The following SEM1 variants were observed in gnomAD, a reference collection of about 807,000 sequenced individuals.
SEM1 encodes 26S proteasome complex subunit SEM1.
A neutral mutation model predicts 12.7 loss-of-function variants in SEM1; 3 were observed. That is an observed-to-expected ratio of 0.24 (90% CI 0.11 to 0.61). The LOEUF (loss-of-function observed/expected upper bound fraction) is 0.61. SEM1 is among the 20% of genes least tolerant of loss of function. The pLI is 0.88. For synonymous variants in SEM1, 30 were observed against 27.8 expected (o/e 1.08, Z -0.25); for missense variants, 59 against 81.3 (o/e 0.73, Z 1.06).
chr7:96,547,180 C>T (rs1805128552), intron 2 of SEM1, among the ~76,000 whole-genome samples: 1 of 152,138 alleles, frequency 6.6e-6, no homozygotes, highest in Admixed American at 6.5e-5. Flanking sequence ...CCTATATAAG[C>T]ATATGCATTT....
chr7:96,696,518 T>C (rs896987337), intron 1 of SEM1: 1 of 151,902 alleles, frequency 6.6e-6, no homozygotes, highest in Non-Finnish European at 1.5e-5. Context: ...CCAATTATCA[T>C]AGATGAGGAA....
chr7:96,615,451 C>CGCCAGGTTG (rs958169323), intron 2 of SEM1, among the ~76,000 whole-genome samples: 4 of 151,944 alleles, frequency 2.6e-5, no homozygotes, highest in Non-Finnish European at 4.4e-5. Context: ...GACAAGGTTT[C>CGCCAGGTTG]GCCAGGTTGG....
downstream of SEM1, among the ~76,000 whole-genome samples, chr7:96,621,221 G>A (rs1807882939): frequency 6.6e-6 from 1 of 152,068 alleles, no homozygotes. Flanking sequence ...ATGATAATAA[G>A]CACAAGAAGC....
intron 2 of SEM1, among the ~76,000 whole-genome samples, chr7:96,612,293 G>A (rs1173763271): frequency 1.3e-5 from 2 of 152,140 alleles, no homozygotes; most frequent in African/African-American, 4.8e-5. Context: ...AAAAATGTCT[G>A]GCACCTGATA....
At chr7:96,519,266 A>G (rs1300925023) in intron 2 of SEM1, among the ~76,000 whole-genome samples, 1 of 151,948 alleles carries the variant, frequency 6.6e-6, no homozygotes, top group Non-Finnish European at 1.5e-5. Context: ...CAACAAAACT[A>G]TTTTTTTTGA....
chr7:96,556,504 T>C (rs1489141960), intron 2 of SEM1, among the ~76,000 whole-genome samples: 3 of 152,208 alleles, frequency 2.0e-5, no homozygotes, highest in Non-Finnish European at 4.4e-5. Context: ...TCTTTAAGAA[T>C]GTTGAATATT....
chr7:96,612,852 G>A (rs911130346), intron 2 of SEM1, among the ~76,000 whole-genome samples: 2 of 152,114 alleles, frequency 1.3e-5, no homozygotes, highest in African/African-American at 4.8e-5. Context: ...AGCCAGGATG[G>A]TCTCGATCTC....
chr7:96,641,151 T>A (rs1413898860), intron 2 of SEM1, among the ~76,000 whole-genome samples: 2 of 151,368 alleles, frequency 1.3e-5, no homozygotes, highest in African/African-American at 4.8e-5. Flanking sequence ...CGAAAAAAAA[T>A]AAAAAATAAA....
chr7:96,544,694 A>G (rs555038776), intron 2 of SEM1, among the ~76,000 whole-genome samples: 1 of 152,184 alleles, frequency 6.6e-6, no homozygotes. Flanking sequence ...AGCCTTATCA[A>G]TAACATAAAC....
chr7:96,573,666 T>C (rs895803964), intron 2 of SEM1, among the ~76,000 whole-genome samples: 1 of 152,188 alleles, frequency 6.6e-6, no homozygotes, highest in Admixed American at 6.5e-5. Flanking sequence ...CCTTTGTGGG[T>C]AATCCGACCT....
At chr7:96,598,358 AT>A (rs992551945) in intron 2 of SEM1, among the ~76,000 whole-genome samples, 13 of 150,890 alleles carry the variant, frequency 8.6e-5, no homozygotes, top group African/African-American at 3.2e-4. Context: ...TGGCTACCTT[AT>A]TTTTTTTAAA....
intron 2 of SEM1, among the ~76,000 whole-genome samples, chr7:96,682,399 C>T (rs189311561): frequency 2.6e-4 from 39 of 152,042 alleles, no homozygotes; most frequent in Admixed American, 2.2e-3. Context: ...CCTGATTGCC[C>T]TGGCCAGAAC....
intron 2 of SEM1, among the ~76,000 whole-genome samples, chr7:96,590,413 G>C (rs1806792742): frequency 6.6e-6 from 1 of 152,074 alleles, no homozygotes; most frequent in Non-Finnish European, 1.5e-5. Context: ...ATTTCTACAA[G>C]TCACAGGAAA....
At chr7:96,581,239 A>T (rs1806394072) in intron 2 of SEM1, among the ~76,000 whole-genome samples, 3 of 152,070 alleles carry the variant, frequency 2.0e-5, no homozygotes, top group Admixed American at 2.0e-4. Flanking sequence ...TCCTTTCCCC[A>T]TTGCTTGTTT....
At chr7:96,527,803 G>A (rs1804514647) in intron 2 of SEM1, among the ~76,000 whole-genome samples, 1 of 152,076 alleles carries the variant, frequency 6.6e-6, no homozygotes, top group South Asian at 2.1e-4. Flanking sequence ...TTTCTCTCCT[G>A]AGTGCCATTC....
At chr7:96,652,853 T>C (rs1027878335) in intron 2 of SEM1, among the ~76,000 whole-genome samples, 2 of 152,238 alleles carry the variant, frequency 1.3e-5, no homozygotes, top group African/African-American at 4.8e-5. Context: ...CCCCCTTTTC[T>C]TTGTTTCCAC....
chr7:96,635,406 C>G (rs1173864896), intron 2 of SEM1, among the ~76,000 whole-genome samples: 2 of 151,982 alleles, frequency 1.3e-5, no homozygotes, highest in Non-Finnish European at 2.9e-5. Context: ...ATATTTAAAG[C>G]CAAGGCACAA....
downstream of SEM1, among the ~76,000 whole-genome samples, chr7:96,619,757 A>T (rs1304110999): frequency 6.6e-6 from 1 of 151,754 alleles, no homozygotes; most frequent in African/African-American, 2.4e-5. Context: ...CCTAGTCCGT[A>T]ATCCCACAGC....
intron 2 of SEM1, among the ~76,000 whole-genome samples, chr7:96,615,386 C>T (rs973869579): frequency 1.3e-5 from 2 of 151,868 alleles, no homozygotes; most frequent in Non-Finnish European, 2.9e-5. Flanking sequence ...CTGAGTAATC[C>T]TGGGATTACA....
Sources: allele counts gnomAD v4.1 joint callset (sites outside exome capture counted in the v4.1 genomes callset), GRCh38; gene constraint gnomAD v4.1.1; transcripts MANE v1.5; gene names NCBI Gene and HGNC (gene_info 2026-07-23, HGNC 2026-07-21).